The following RHBDD2 variants were observed in gnomAD, a reference collection of about 807,000 sequenced individuals.
The protein encoded by RHBDD2 is rhomboid domain containing 2, also known as rhomboid domain-containing protein 2.
RHBDD2 carries 13 observed loss-of-function variants against 21.7 expected under a neutral mutation model. The observed-to-expected ratio is 0.60, with a 90% CI of 0.39 to 0.95. The LOEUF (loss-of-function observed/expected upper bound fraction) is 0.95, where lower values mean the gene tolerates loss of function less well. RHBDD2 is among the 40% of genes least tolerant of loss of function. RHBDD2 has a pLI of 0.00. For missense variants in RHBDD2, 473 were observed against 478.9 expected (o/e 0.99, Z 0.11); for synonymous variants, 225 against 220.0 (o/e 1.02, Z -0.20).
intron 2 of RHBDD2, 192 bp from the exon 3 acceptor site, chr7:75,883,506 G>A: frequency 2.1e-6 from 1 of 487,048 alleles, no homozygotes; most frequent in East Asian, 3.6e-5. Flanking sequence ...CTGCTAGAGT[G>A]AGACTCCATC....
In RHBDD2 at chr7:75,888,236, C is replaced by G; in HGVS notation, c.982C>G (p.Leu328Val). ...CTACCCAGCTTCTGCGGGCACCTCCCTGGGCATCCAGCCCCCCACGCCTGT... is the reference window on the plus strand; with the variant it reads ...CTACCCAGCTTCTGCGGGCACCTCCGTGGGCATCCAGCCCCCCACGCCTGT... ...SVYPASAGTS[L>V]GIQPPTPVNS... Residue 328 changes from leucine to valine, a missense_variant, in exon 4 of 4, where the codon CTG becomes GTG. Coordinates refer to ENST00000006777, the MANE Select transcript of RHBDD2 (RefSeq NM_001040456.3). 1 of 1,613,878 alleles carries G rather than the reference C, an allele frequency of 6.2e-7. No individual in the cohort carries two copies. The highest frequency in any genetic ancestry group is 8.5e-7 in the Non-Finnish European group (1 of 1,180,046).
chr7:75,879,051 C>G lies in RHBDD2; in HGVS notation c.-32C>G. 1 of 1,366,014 alleles carries G rather than the reference C, an allele frequency of 7.3e-7. No homozygotes were observed. The highest frequency in any genetic ancestry group is 9.5e-7 in the Non-Finnish European group (1 of 1,056,542). 84.6% of individuals were successfully genotyped at this position (1,366,014 alleles called of 1,614,324 possible). A position where few individuals can be genotyped will look rare whatever the true frequency, so the allele number is the denominator to read the frequency against. ...GAAGGAGCAGAGGACCGGCAGCCGG[C>G]GTCGAGGCGGGGCGCGGGAACGACG... On this transcript the variant is annotated 5_prime_UTR_variant, in exon 1 of 4. Transcript: ENST00000006777.
rs537638438 is a variant in RHBDD2, at chr7:75,885,680, A to G, written c.737+1832A>G. Among the ~76,000 whole-genome samples, 4 of 152,204 alleles carry G rather than the reference A, an allele frequency of 2.6e-5. No individual in the cohort carries two copies. The South Asian group carries it at 6.2e-4, about 24-fold the overall frequency. On this transcript the variant is annotated intron_variant, in intron 3 of 3. Transcript: ENST00000006777. ...TCAGGCAGCTTCCAATCATAGGGCAAGGGGAGGCGGCACCACACATTGAGA... is the reference window on the plus strand; with the variant it reads ...TCAGGCAGCTTCCAATCATAGGGCAGGGGGAGGCGGCACCACACATTGAGA...
At chr7:75,879,753 T>G (rs1805209336) in intron 1 of RHBDD2, among the ~76,000 whole-genome samples, 1 of 152,226 alleles carries the variant, frequency 6.6e-6, no homozygotes, top group Admixed American at 6.5e-5. Flanking sequence ...ATTTGGAATT[T>G]CTTCTGCTTT....
Position 75,888,331 on chromosome 7 carries a change from C to T in RHBDD2, c.1077C>T (p.Ser359=), listed in dbSNP as rs1260378861. The stretch of plus-strand genomic sequence containing the variant: ...GGGCTGCAGGCTCCAAGGAGTCCTC[C>T]AGGGTCCCCATGCCCTGAGAGAATT... ...TPGAAGSKES[S]RVPMP The change falls in exon 4 of 4, where the codon TCC becomes TCT. Residue 359 remains serine (S), a synonymous_variant. Coordinates refer to ENST00000006777, the MANE Select transcript of RHBDD2 (RefSeq NM_001040456.3). 3.7e-6 allele frequency: 6 copies of T among 1,610,628 alleles called. No individual in the cohort carries two copies. Among genetic ancestry groups the T allele is most frequent in the African/African-American group, 1.3e-5 (1 of 74,918 alleles).
intron 3 of RHBDD2, among the ~76,000 whole-genome samples, chr7:75,886,800 C>T (rs1341359840): frequency 3.3e-5 from 5 of 149,436 alleles, no homozygotes; most frequent in East Asian, 2.0e-4. Flanking sequence ...GGCAAAAGAG[C>T]GAGACTCCGT....
Position 75,882,208 on chromosome 7 carries a change from T to C in RHBDD2, c.558T>C (p.Asn186=), listed in dbSNP as rs782152623. The C allele has an allele frequency of 6.2e-6, 10 of 1,613,646 alleles. No individual in the cohort carries two copies. The Admixed American group carries it at 6.7e-5, about 11-fold the overall frequency. Reference sequence around the variant, plus strand: ...TTCCCCAGACCTCTTTCCTCAGTAATGTCTGCGGGCTGTCCATCGGGCTGG... The same window carrying C: ...TTCCCCAGACCTCTTTCCTCAGTAACGTCTGCGGGCTGTCCATCGGGCTGG... ...WLIPQTSFLS[N]VCGLSIGLAY... Residue 186 remains asparagine, a synonymous_variant, in exon 2 of 4, where the codon AAT becomes AAC. Transcript: ENST00000006777.
Position 75,883,685 on chromosome 7 carries a change from A to T in RHBDD2, c.587-13A>T. 1 of 1,611,288 alleles carries T rather than the reference A, an allele frequency of 6.2e-7. No individual in the cohort carries two copies. The highest frequency in any genetic ancestry group is 8.5e-7 in the Non-Finnish European group (1 of 1,178,614). On this transcript the variant is annotated splice_polypyrimidine_tract_variant and intron_variant, in intron 2 of 3. Coordinates refer to ENST00000006777, the MANE Select transcript of RHBDD2 (RefSeq NM_001040456.3). Reference sequence around the variant, plus strand: ...TTTGCTGCCTCCAGTTTCACTTAACACGCCAACCTCAGATGGCCTCACCTA... The same window carrying T: ...TTTGCTGCCTCCAGTTTCACTTAACTCGCCAACCTCAGATGGCCTCACCTA...
chr7:75,888,475 CCT>C lies in RHBDD2; in HGVS notation c.*127_*128del. On this transcript the variant is annotated 3_prime_UTR_variant, in exon 4 of 4. Coordinates refer to ENST00000006777, the MANE Select transcript of RHBDD2 (RefSeq NM_001040456.3). ...TGTGTTGGGTACTTTGATCAATGCC[CCT>C]GTTTCAGTCTCATCTGTACTCACGG... 1.3e-6 allele frequency: 1 copy of C among 767,984 alleles called. No homozygotes were observed. Among genetic ancestry groups the C allele is most frequent in the South Asian group, 1.7e-5 (1 of 60,054 alleles). 47.6% of individuals were successfully genotyped at this position (767,984 alleles called of 1,614,324 possible).
chr7:75,887,943 C>A (rs200883840), intron 3 of RHBDD2, 49 bp from the exon 4 acceptor site: 2 of 1,511,198 alleles, frequency 1.3e-6, no homozygotes, highest in Non-Finnish European at 1.8e-6. Context: ...GATGCCATGA[C>A]CTTGCCAAGA....
chr7:75,884,975 G>A (rs1339365526), intron 3 of RHBDD2, among the ~76,000 whole-genome samples: 2 of 151,936 alleles, frequency 1.3e-5, no homozygotes, highest in East Asian at 3.9e-4. Context: ...TTATCCAAGC[G>A]TGGTGGTGGT....
rs1240743858 is a variant in RHBDD2, at chr7:75,882,326, G to A, written c.586+90G>A. The A allele has an allele frequency of 2.4e-6, 3 of 1,240,064 alleles. No individual in the cohort carries two copies. The African/African-American group carries it at 4.6e-5, about 19-fold the overall frequency. The allele number at this position is 1,240,064 out of a possible 1,614,324, so 76.8% of individuals were successfully genotyped here. A position where few individuals can be genotyped will look rare whatever the true frequency, so the allele number is the denominator to read the frequency against. ...TGGGGTGTCAAGTAGATAAAATTGG[G>A]CTTACTTTGTATTTTTTCGAAACAG... On this transcript the variant is annotated intron_variant, in intron 2 of 3. Coordinates refer to ENST00000006777, the MANE Select transcript of RHBDD2 (RefSeq NM_001040456.3).
At chr7:75,885,924 T>G (rs1008646647) in intron 3 of RHBDD2, among the ~76,000 whole-genome samples, 2 of 152,142 alleles carry the variant, frequency 1.3e-5, no homozygotes, top group African/African-American at 4.8e-5. Context: ...TGGAGTGCAG[T>G]GGCGTGATCT....
intron 3 of RHBDD2, among the ~76,000 whole-genome samples, chr7:75,886,434 C>T (rs1206787538): frequency 1.3e-5 from 2 of 152,070 alleles, no homozygotes; most frequent in African/African-American, 4.8e-5. Flanking sequence ...ACCAAGGAAT[C>T]CCCTCTGTAA....
intron 3 of RHBDD2, among the ~76,000 whole-genome samples, 163 bp from the exon 4 acceptor site, chr7:75,887,829 C>T (rs1805771744): frequency 6.6e-6 from 1 of 152,230 alleles, no homozygotes; most frequent in Admixed American, 6.5e-5. Flanking sequence ...CATCTGTGGT[C>T]TGATTGGTTG....
chr7:75,881,093 G>T (rs1192466966), intron 1 of RHBDD2, among the ~76,000 whole-genome samples: 5 of 152,082 alleles, frequency 3.3e-5, no homozygotes, highest in Non-Finnish European at 5.9e-5. Flanking sequence ...AGCACTTTGG[G>T]AATTCAAGGC....
chr7:75,887,306 TAA>T (rs551487813), intron 3 of RHBDD2, among the ~76,000 whole-genome samples: 6 of 127,674 alleles, frequency 4.7e-5, no homozygotes, highest in Admixed American at 7.9e-5. Context: ...CCTGGCTAAT[TAA>T]AAAAAAAAAA....
chr7:75,881,530 A>G (rs1339593813), intron 1 of RHBDD2: 4 of 1,352,862 alleles, frequency 3.0e-6, no homozygotes, highest in Non-Finnish European at 3.9e-6. Context: ...AAAGCACTTT[A>G]CAAATTCAGA....
intron 3 of RHBDD2, 71 bp from the exon 4 acceptor site, chr7:75,887,921 C>A: frequency 7.4e-7 from 1 of 1,350,288 alleles, no homozygotes; most frequent in Non-Finnish European, 1.0e-6. Flanking sequence ...GCGGGGGCAA[C>A]CTCAAGCACA....
Sources: gnomAD v4.1 joint callset for allele counts (sites outside exome capture counted in the v4.1 genomes callset) on GRCh38, gnomAD v4.1.1 for gene constraint, MANE v1.5 for transcripts, NCBI Gene and HGNC (gene_info 2026-07-23, HGNC 2026-07-21) for gene names.